The following HS3ST4 variants were observed in gnomAD, a reference collection of about 807,000 sequenced individuals.
HS3ST4 encodes heparan sulfate-glucosamine 3-sulfotransferase 4, also known as heparan sulfate glucosamine 3-O-sulfotransferase 4.
In HS3ST4, 17 loss-of-function variants were observed where a neutral mutation model predicts 29.2. The observed-to-expected ratio is 0.58, with a 90% CI of 0.40 to 0.87. The LOEUF (loss-of-function observed/expected upper bound fraction) is 0.87. Among genes scored for constraint, HS3ST4 ranks in the 40% least tolerant of loss-of-function variants. The pLI, the probability that HS3ST4 is intolerant of heterozygous loss-of-function variation, is 0.00. For synonymous variants in HS3ST4, 314 were observed against 285.7 expected, an observed-to-expected ratio of 1.10 and a Z score of -1.00; for missense variants, 627 against 634.5, an observed-to-expected ratio of 0.99 and a Z score of 0.13.
At chr16:25,860,691 TC>T (rs1967627645) in intron 1 of HS3ST4, among the ~76,000 whole-genome samples, 1 of 152,178 alleles carries the variant, frequency 6.6e-6, no homozygotes, top group Non-Finnish European at 1.5e-5. Flanking sequence ...AGTAAAATGA[TC>T]AGTGGTGGCC....
At chr16:25,973,842 G>A (rs960599247) in intron 1 of HS3ST4, among the ~76,000 whole-genome samples, 2 of 152,134 alleles carry the variant, frequency 1.3e-5, no homozygotes, top group African/African-American at 4.8e-5. Flanking sequence ...CTAATAATTG[G>A]CAGAGTGCAA....
At chr16:26,087,785 C>G (rs982085063) in intron 1 of HS3ST4, among the ~76,000 whole-genome samples, 1 of 152,006 alleles carries the variant, frequency 6.6e-6, no homozygotes, top group Non-Finnish European at 1.5e-5. Context: ...CTTTGAGCAC[C>G]AGGTTGGTGC....
chr16:25,995,375 C>G (rs542611358), intron 1 of HS3ST4, among the ~76,000 whole-genome samples: 3 of 152,190 alleles, frequency 2.0e-5, no homozygotes, highest in Non-Finnish European at 4.4e-5. Flanking sequence ...TCTCTTGTCC[C>G]AGCTCTTGGT....
intron 1 of HS3ST4, among the ~76,000 whole-genome samples, chr16:26,021,164 G>T (rs1969409160): frequency 6.6e-6 from 1 of 152,244 alleles, no homozygotes. Flanking sequence ...ACCATAGTCA[G>T]CTATGGGCCA....
chr16:25,776,494 T>G lies in HS3ST4; in HGVS notation c.734+83343T>G, dbSNP rs190782764. On this transcript the variant is annotated intron_variant, in intron 1 of 1. Transcript: ENST00000331351. ...CATCTTACATATGTTGATTGATGTC[T>G]CATGTCTCCCTAAAATGTACAAAAC... Among the ~76,000 whole-genome samples the G allele has an allele frequency of 1.2e-3, 181 of 152,340 alleles. 1 individual carries two copies. The highest frequency in any genetic ancestry group is 2.3e-3 in the Non-Finnish European group (154 of 68,036).
intron 1 of HS3ST4, among the ~76,000 whole-genome samples, chr16:25,936,406 C>T (rs1024864749): frequency 5.9e-5 from 9 of 152,074 alleles, no homozygotes; most frequent in African/African-American, 2.2e-4. Context: ...AGAGAGACAC[C>T]AGTAAGTTGA....
At chr16:26,093,765 G>C (rs1454320995) in intron 1 of HS3ST4, among the ~76,000 whole-genome samples, 3 of 152,190 alleles carry the variant, frequency 2.0e-5, no homozygotes, top group African/African-American at 7.2e-5. Context: ...GAATGACTTT[G>C]ACGAGTTGAC....
intron 1 of HS3ST4, among the ~76,000 whole-genome samples, chr16:26,073,482 C>A (rs1898625318): frequency 6.6e-6 from 1 of 152,112 alleles, no homozygotes; most frequent in South Asian, 2.1e-4. Flanking sequence ...TCAGGTGACC[C>A]TCCCACCATA....
chr16:26,068,249 C>A (rs1373715469), intron 1 of HS3ST4, among the ~76,000 whole-genome samples: 4 of 152,126 alleles, frequency 2.6e-5, no homozygotes, highest in Non-Finnish European at 5.9e-5. Context: ...ACAGATTAAC[C>A]CAATCCCCTG....
intron 1 of HS3ST4, among the ~76,000 whole-genome samples, chr16:25,837,036 A>T (rs1220380769): frequency 6.6e-5 from 10 of 152,350 alleles, no homozygotes; most frequent in Admixed American, 3.9e-4. Flanking sequence ...TTTCCAGGTC[A>T]GTATGGGTTG....
intron 1 of HS3ST4, among the ~76,000 whole-genome samples, chr16:26,092,407 C>T (rs1182518396): frequency 6.6e-6 from 1 of 152,150 alleles, no homozygotes; most frequent in African/African-American, 2.4e-5. Context: ...GTCCAGTCCC[C>T]ACTGCCCAAA....
At chr16:25,951,898 G>T (rs115783930) in intron 1 of HS3ST4, among the ~76,000 whole-genome samples, 1,729 of 151,830 alleles carry the variant, frequency 0.011, 26 homozygotes, top group African/African-American at 0.039. Context: ...TTTCTAAATG[G>T]TTGAAAACCA....
chr16:26,094,544 C>G lies in HS3ST4; in HGVS notation c.735-41068C>G, dbSNP rs536565291. Among the ~76,000 whole-genome samples the G allele has an allele frequency of 2.6e-5, 4 of 152,256 alleles. No individual in the cohort carries two copies. In the East Asian group the frequency reaches 7.7e-4, roughly 29 times the overall value. On this transcript the variant is annotated intron_variant, in intron 1 of 1. Transcript: ENST00000331351. ...TCATAAGTGAAGGAGAAATAGAATC[C>G]TTTACAGACAAGCAAATACTGAGAG...
At chr16:25,836,150 A>G (rs988412569) in intron 1 of HS3ST4, among the ~76,000 whole-genome samples, 16 of 152,184 alleles carry the variant, frequency 1.1e-4, no homozygotes, top group African/African-American at 3.9e-4. Context: ...CCAAATCAGG[A>G]TATCACTAGG....
At chr16:25,844,879 C>T (rs1050463194) in intron 1 of HS3ST4, among the ~76,000 whole-genome samples, 3 of 152,216 alleles carry the variant, frequency 2.0e-5, no homozygotes, top group East Asian at 1.9e-4. Context: ...TAAAAAGGAA[C>T]AAGATCATGT....
chr16:26,019,807 C>G (rs999083725), intron 1 of HS3ST4, among the ~76,000 whole-genome samples: 1 of 152,176 alleles, frequency 6.6e-6, no homozygotes, highest in Non-Finnish European at 1.5e-5. Context: ...AACTCTATCC[C>G]TGTCCAAGCC....
intron 1 of HS3ST4, among the ~76,000 whole-genome samples, chr16:26,078,438 G>A (rs575726956): frequency 2.0e-5 from 3 of 152,098 alleles, no homozygotes; most frequent in South Asian, 2.1e-4. Flanking sequence ...GTGAGCCACC[G>A]CACCCAGCCT....
At chr16:26,016,082 C>G (rs1427528092) in intron 1 of HS3ST4, among the ~76,000 whole-genome samples, 1 of 152,206 alleles carries the variant, frequency 6.6e-6, no homozygotes. Context: ...CCGAAAAACT[C>G]TCTGTTAGAG....
chr16:25,968,310 A>G (rs1005855604), intron 1 of HS3ST4, among the ~76,000 whole-genome samples: 2 of 152,162 alleles, frequency 1.3e-5, no homozygotes, highest in Non-Finnish European at 2.9e-5. Context: ...TTAAATCTGG[A>G]AATTTCACCT....
Sources: gnomAD v4.1 joint callset for allele counts (sites outside exome capture counted in the v4.1 genomes callset) on GRCh38, gnomAD v4.1.1 for gene constraint, MANE v1.5 for transcripts, NCBI Gene and HGNC (gene_info 2026-07-23, HGNC 2026-07-21) for gene names.